Variants in FREM1 observed in about 807,000 individuals in gnomAD.
FREM1 encodes FRAS1-related extracellular matrix protein 1.
FREM1 carries 220 observed loss-of-function variants against 210.1 expected under a neutral mutation model. That is an observed-to-expected ratio of 1.05 (90% CI 0.94 to 1.17). The LOEUF (loss-of-function observed/expected upper bound fraction) is 1.17. Among genes scored for constraint, FREM1 ranks in the 50% most tolerant of loss-of-function variants. The pLI is 0.00. For synonymous variants in FREM1, 1,189 were observed against 980.2 expected (o/e 1.21, Z -3.98); for missense variants, 3,454 against 2,675.5 (o/e 1.29, Z -6.42).
In FREM1 at chr9:14,747,035, A is replaced by T; in HGVS notation, c.6026T>A (p.Phe2009Tyr). The T allele has an allele frequency of 6.2e-7, 1 of 1,613,262 alleles. No individual in the cohort carries two copies. The highest frequency in any genetic ancestry group is 8.5e-7 in the Non-Finnish European group (1 of 1,179,586). Residue 2009 changes from phenylalanine (F) to tyrosine (Y), a missense_variant, in exon 34 of 37, where the codon TTT (phenylalanine) becomes TAT (tyrosine). Phe to Tyr is a conservative substitution (Grantham distance 22). Transcript: ENST00000380880. ...TAATTCCAGAGTGCAGTTCTTTGGA[A>T]ATGAGGGCAACTGGTCCTTTGGGAA... ...HFPRQDQLPS[F>Y]PKNCTLELKG...
intron 5 of FREM1, among the ~76,000 whole-genome samples, chr9:14,856,215 T>G (rs1023248432): frequency 6.6e-6 from 1 of 152,186 alleles, no homozygotes; most frequent in Non-Finnish European, 1.5e-5. Context: ...CCACTTTAAG[T>G]TGAAGAAAAT....
rs1462508503 is a variant in FREM1, at chr9:14,747,404, G to T, written c.5869C>A (p.Leu1957Met). The change falls in exon 33 of 37, where the codon CTG (leucine) becomes ATG (methionine). Residue 1957 changes from leucine to methionine, a missense_variant. Coordinates refer to ENST00000380880, the MANE Select transcript of FREM1 (RefSeq NM_001379081.2). ...YNYHGIVSLK[L>M]EDDSFPTHKR... is the part of the protein sequence containing the mutation. ...TGAGTTGGGAAACTGTCATCCTCCAGTTTCAAGGAAACTATCCCATGATAC... is the reference window on the plus strand; with the variant it reads ...TGAGTTGGGAAACTGTCATCCTCCATTTTCAAGGAAACTATCCCATGATAC... 2 of 1,613,458 alleles carry T rather than the reference G, an allele frequency of 1.2e-6. No individual in the cohort carries two copies. Among genetic ancestry groups the T allele is most frequent in the African/African-American group, 1.3e-5 (1 of 74,946 alleles).
intron 1 of FREM1, among the ~76,000 whole-genome samples, chr9:14,877,627 G>C (rs1292721542): frequency 2.0e-5 from 3 of 151,988 alleles, no homozygotes; most frequent in African/African-American, 4.8e-5. Context: ...CGGCAGACTG[G>C]AACCAGGGGC....
rs1352602481 is a variant in FREM1 at position 14,910,157 on chromosome 9, A to G, written c.-511T>C. On this transcript the variant is annotated 5_prime_UTR_variant, in exon 1 of 37. Transcript: ENST00000380880. ...ATACAGAATTGAAGTTCACATACAC[A>G]CTCCACTTTCTTTGCTGGTCTTCTC... 6.6e-6 allele frequency: 1 copy of G among 152,000 alleles called. No homozygotes were observed. The highest frequency in any genetic ancestry group is 1.5e-5 in the Non-Finnish European group (1 of 68,022). 9.4% of individuals were successfully genotyped at this position (152,000 alleles called of 1,614,324 possible). A position where few individuals can be genotyped will look rare whatever the true frequency, so the allele number is the denominator to read the frequency against.
intron 26 of FREM1, 68 bp downstream of exon 26, chr9:14,770,537 T>C (rs1462659665): frequency 3.3e-6 from 4 of 1,202,092 alleles, no homozygotes; most frequent in Non-Finnish European, 4.9e-6. Context: ...TTAATTAAAT[T>C]ACTCTCTAGC....
At position 14,824,026 on chromosome 9, in the gene FREM1, T is replaced by C. The variant is rs1247921576; in HGVS notation, c.2168A>G (p.Gln723Arg). The C allele has an allele frequency of 9.5e-6, 15 of 1,578,052 alleles. No individual in the cohort carries two copies. The highest frequency in any genetic ancestry group is 1.3e-5 in the Non-Finnish European group (15 of 1,156,540). The change falls in exon 12 of 37, where the codon CAG becomes CGG. Residue 723 changes from glutamine to arginine, a missense_variant and splice_region_variant. Physicochemically the swap from Gln to Arg is conservative, Grantham distance 43. Coordinates refer to ENST00000380880, the MANE Select transcript of FREM1 (RefSeq NM_001379081.2). ...CAGCATTTTAGCATATCCTCATACC[T>C]GAGTGAATGACCTCAGCTCCAGGGC... ...PTALELRSFTQHAVNYMKVAY... is the reference protein window; with the variant it reads ...PTALELRSFTRHAVNYMKVAY...
At position 14,859,234 on chromosome 9, in the gene FREM1, G is replaced by C; in HGVS notation, c.580C>G (p.Arg194Gly). ...TGATCTCCACGAGGTTCTTCTGGTCGAGGCTCCCCGAGAACCATCTGGCCA... is the reference window on the plus strand; with the variant it reads ...TGATCTCCACGAGGTTCTTCTGGTCCAGGCTCCCCGAGAACCATCTGGCCA... ...AHGQMVLGEP[R>G]PEEPRGDQPH... The change falls in exon 4 of 37, where the codon CGA becomes GGA. Residue 194 changes from arginine to glycine, a missense_variant. Arg to Gly is a moderately radical substitution (Grantham distance 125). Coordinates refer to ENST00000380880, the MANE Select transcript of FREM1 (RefSeq NM_001379081.2). The C allele has an allele frequency of 6.2e-7, 1 of 1,609,592 alleles. No individual in the cohort carries two copies. The highest frequency in any genetic ancestry group is 8.5e-7 in the Non-Finnish European group (1 of 1,177,060).
chr9:14,742,686 G>A (rs548511998), intron 35 of FREM1, among the ~76,000 whole-genome samples: 18 of 152,206 alleles, frequency 1.2e-4, no homozygotes, highest in Admixed American at 4.6e-4. Flanking sequence ...CCTTAGGTTC[G>A]CCTTGAAAGG....
In FREM1 at chr9:14,750,755, C is replaced by T. The variant is rs72709536; in HGVS notation, c.5408-479G>A. Among the ~76,000 whole-genome samples, 395 of 152,290 alleles carry T rather than the reference C, an allele frequency of 2.6e-3. 1 individual carries two copies. Among genetic ancestry groups the T allele is most frequent in the Admixed American group, 5.4e-3 (83 of 15,302 alleles). On this transcript the variant is annotated intron_variant, in intron 29 of 36. Coordinates refer to ENST00000380880, the MANE Select transcript of FREM1 (RefSeq NM_001379081.2). Reference sequence around the variant, plus strand: ...CATTTCTAAAGACAGCTGCCTGCATCGGCTTCCCCACTTCCTGAGATCTTT... The same window carrying T: ...CATTTCTAAAGACAGCTGCCTGCATTGGCTTCCCCACTTCCTGAGATCTTT...
At position 14,747,394 on chromosome 9, in the gene FREM1, T is replaced by A; in HGVS notation, c.5879A>T (p.Asp1960Val). The A allele has an allele frequency of 5.0e-6, 8 of 1,613,588 alleles. No homozygotes were observed. Among genetic ancestry groups the A allele is most frequent in the Non-Finnish European group, 6.8e-6 (8 of 1,179,662 alleles). ...HGIVSLKLEDDSFPTHKRKAK... is the reference protein window; with the variant it reads ...HGIVSLKLEDVSFPTHKRKAK... Reference sequence around the variant, plus strand: ...CTTCCTTTTGTGAGTTGGGAAACTGTCATCCTCCAGTTTCAAGGAAACTAT... The same window carrying A: ...CTTCCTTTTGTGAGTTGGGAAACTGACATCCTCCAGTTTCAAGGAAACTAT... The change falls in exon 33 of 37, where the codon GAC (aspartate) becomes GTC (valine). Residue 1960 changes from aspartate (D) to valine (V), a missense_variant. Coordinates refer to ENST00000380880, the MANE Select transcript of FREM1 (RefSeq NM_001379081.2).
rs1290686543 is a variant in FREM1, at chr9:14,839,048, C to T, written c.1881+2399G>A. Among the ~76,000 whole-genome samples, 5 of 152,120 alleles carry T rather than the reference C, an allele frequency of 3.3e-5. No individual in the cohort carries two copies. The South Asian group carries it at 1.0e-3, about 32-fold the overall frequency. The stretch of plus-strand genomic sequence containing the variant: ...TAGATTAATTTCACTAAGAATACTG[C>T]TACTATATTAATGAGTTTTAATTTA... On this transcript the variant is annotated intron_variant, in intron 10 of 36. Coordinates refer to ENST00000380880, the MANE Select transcript of FREM1 (RefSeq NM_001379081.2).
At chr9:14,859,511 T>A in intron 3 of FREM1, 27 bp from the exon 4 acceptor site, 2 of 1,576,294 alleles carry the variant, frequency 1.3e-6, no homozygotes, top group Admixed American at 1.7e-5. Context: ...GCAAAAGCAA[T>A]ATTAATTGGT....
At chr9:14,777,877 A>G (rs1309119529) in intron 24 of FREM1, among the ~76,000 whole-genome samples, 1 of 152,134 alleles carries the variant, frequency 6.6e-6, no homozygotes, top group Non-Finnish European at 1.5e-5. Flanking sequence ...CAAAAAGTAA[A>G]AAGAGATGAG....
chr9:14,775,295 A>G (rs901093964), intron 25 of FREM1, among the ~76,000 whole-genome samples: 3 of 151,948 alleles, frequency 2.0e-5, no homozygotes, highest in Admixed American at 1.3e-4. Flanking sequence ...TACCATCAAC[A>G]CTCACGGTCA....
intron 8 of FREM1, among the ~76,000 whole-genome samples, chr9:14,844,790 T>C (rs1373335273): frequency 6.6e-6 from 1 of 152,222 alleles, no homozygotes; most frequent in Non-Finnish European, 1.5e-5. Context: ...TGTTGTATTG[T>C]GCTCCTAGGA....
At chr9:14,781,434 T>C (rs891512564) in intron 24 of FREM1, among the ~76,000 whole-genome samples, 3 of 152,258 alleles carry the variant, frequency 2.0e-5, no homozygotes, top group Non-Finnish European at 4.4e-5. Context: ...GCCTGTACTA[T>C]GTGTACTCTT....
At chr9:14,872,625 T>C (rs1435129033) in intron 1 of FREM1, among the ~76,000 whole-genome samples, 1 of 151,756 alleles carries the variant, frequency 6.6e-6, no homozygotes, top group Non-Finnish European at 1.5e-5. Flanking sequence ...CAGGGACAAT[T>C]TGACTTCCTC....
chr9:14,792,402 C>A (rs74872751), intron 22 of FREM1, among the ~76,000 whole-genome samples: 4,709 of 151,980 alleles, frequency 0.031, 102 homozygotes, highest in Middle Eastern at 0.041. Flanking sequence ...ACATGAATCA[C>A]AAGTCAAAAA....
intron 24 of FREM1, among the ~76,000 whole-genome samples, chr9:14,780,501 C>T (rs978362621): frequency 6.7e-6 from 1 of 149,228 alleles, no homozygotes; most frequent in Admixed American, 6.8e-5. Context: ...TTTTAGTACC[C>T]GGCTGCCAGC....
Sources: gnomAD v4.1 joint callset for allele counts (sites outside exome capture counted in the v4.1 genomes callset) on GRCh38, gnomAD v4.1.1 for gene constraint, MANE v1.5 for transcripts, NCBI Gene and HGNC (gene_info 2026-07-23, HGNC 2026-07-21) for gene names.